The following GSG1L variants were observed in gnomAD, a reference collection of about 807,000 sequenced individuals.
GSG1L encodes the protein germ cell-specific gene 1-like protein.
A neutral mutation model predicts 42.1 loss-of-function variants in GSG1L; 24 were observed. That is an observed-to-expected ratio of 0.57 (90% confidence interval 0.41 to 0.80). The LOEUF (loss-of-function observed/expected upper bound fraction) is 0.80. GSG1L is among the 30% of genes least tolerant of loss of function. The probability of loss-of-function intolerance (pLI) is 0.00; values close to 1 mark genes in which losing one functional copy is unlikely to be tolerated. For synonymous variants in GSG1L, 215 were observed against 203.5 expected (o/e 1.06, Z -0.48); for missense variants, 445 against 472.2 (o/e 0.94, Z 0.53).
At chr16:27,834,314 A>C (rs1190545920) in intron 4 of GSG1L, among the ~76,000 whole-genome samples, 2 of 152,074 alleles carry the variant, frequency 1.3e-5, no homozygotes, top group Admixed American at 1.3e-4. Context: ...ACGTATAATT[A>C]TTTTTATATA....
intron 2 of GSG1L, among the ~76,000 whole-genome samples, chr16:27,912,440 C>T (rs527775434): frequency 1.3e-5 from 2 of 152,204 alleles, no homozygotes; most frequent in East Asian, 3.9e-4. Context: ...TCACTTGAGC[C>T]CAGGAGGTTG....
chr16:28,032,037 A>C (rs776085645), intron 1 of GSG1L, among the ~76,000 whole-genome samples: 3 of 152,246 alleles, frequency 2.0e-5, no homozygotes, highest in Non-Finnish European at 2.9e-5. Flanking sequence ...AGAATTCATT[A>C]CAGCAAGATC....
chr16:27,943,687 G>A (rs2084829179), intron 2 of GSG1L, among the ~76,000 whole-genome samples: 1 of 134,892 alleles, frequency 7.4e-6, no homozygotes, highest in Non-Finnish European at 1.5e-5. Flanking sequence ...CTATTCTTAT[G>A]CCTCAGCCTC....
intron 4 of GSG1L, 105 bp downstream of exon 4, chr16:27,844,845 T>TCCCCCCCCCCC: frequency 9.6e-6 from 2 of 208,156 alleles, no homozygotes; most frequent in African/African-American, 2.7e-5. Context: ...TCCCCATTTC[T>TCCCCCCCCCCC]CCTCCCCCCC....
chr16:27,935,994 C>T (rs2084711804), intron 2 of GSG1L, among the ~76,000 whole-genome samples: 1 of 150,964 alleles, frequency 6.6e-6, no homozygotes, highest in African/African-American at 2.4e-5. Flanking sequence ...ATCTACAGGA[C>T]AACTACACCA....
rs145266459 is a variant in GSG1L, at chr16:27,850,953, C to T, written c.551-5892G>A. ...ACCGGGAGATAGAGAATGTTAAACG[C>T]CGGGAAGGCGTTTTAACAATGGGAG... On this transcript the variant is annotated intron_variant, in intron 3 of 6. Transcript: ENST00000447459. Among the ~76,000 whole-genome samples the T allele has an allele frequency of 2.2e-4, 33 of 151,658 alleles. 1 individual carries two copies. Among genetic ancestry groups the T allele is most frequent in the African/African-American group, 7.5e-4 (31 of 41,328 alleles).
intron 3 of GSG1L, among the ~76,000 whole-genome samples, chr16:27,853,135 G>A (rs1746055314): frequency 2.0e-5 from 3 of 152,290 alleles, no homozygotes; most frequent in African/African-American, 7.2e-5. Context: ...ATCGGCTGGG[G>A]GCAGAGGAAA....
chr16:27,980,520 G>A (rs1002832307), intron 1 of GSG1L, among the ~76,000 whole-genome samples: 3 of 152,168 alleles, frequency 2.0e-5, no homozygotes, highest in African/African-American at 7.2e-5. Context: ...TGCTTTACAT[G>A]CATCAATTGC....
chr16:27,993,225 T>C (rs866321764), intron 1 of GSG1L, among the ~76,000 whole-genome samples: 2 of 152,100 alleles, frequency 1.3e-5, no homozygotes, highest in African/African-American at 4.8e-5. Flanking sequence ...CTTGGCTCAC[T>C]GCAACCTCCA....
intron 2 of GSG1L, among the ~76,000 whole-genome samples, chr16:27,960,732 G>T (rs961582293): frequency 6.6e-6 from 1 of 152,168 alleles, no homozygotes; most frequent in South Asian, 2.1e-4. Context: ...GGCCACACGG[G>T]CTGCCTTGGA....
At chr16:28,030,627 C>T (rs2085946452) in intron 1 of GSG1L, among the ~76,000 whole-genome samples, 1 of 152,222 alleles carries the variant, frequency 6.6e-6, no homozygotes, top group Admixed American at 6.5e-5. Flanking sequence ...TTTGCTTGTG[C>T]TGGTTTGAGC....
At chr16:28,033,887 A>G (rs965121791) in intron 1 of GSG1L, among the ~76,000 whole-genome samples, 1 of 152,198 alleles carries the variant, frequency 6.6e-6, no homozygotes, top group African/African-American at 2.4e-5. Flanking sequence ...CGCACAGTGG[A>G]AAGCGGAAAA....
chr16:27,811,432 A>G (rs2083029806), intron 5 of GSG1L, among the ~76,000 whole-genome samples: 1 of 152,216 alleles, frequency 6.6e-6, no homozygotes, highest in Admixed American at 6.5e-5. Context: ...CCAGTCACGA[A>G]GTCAGAACTG....
chr16:27,972,125 T>C (rs867033805), intron 1 of GSG1L, among the ~76,000 whole-genome samples: 1 of 152,218 alleles, frequency 6.6e-6, no homozygotes, highest in Non-Finnish European at 1.5e-5. Context: ...AGAAATCTCC[T>C]AGGAATATAC....
chr16:27,875,842 T>A (rs564760266), intron 3 of GSG1L, among the ~76,000 whole-genome samples: 3 of 152,340 alleles, frequency 2.0e-5, no homozygotes, highest in African/African-American at 7.2e-5. Context: ...TAAATGAGCC[T>A]GGGCTACTTG....
At chr16:27,849,197 C>CAAAAAAAAAAAA (rs538757457) in intron 3 of GSG1L, among the ~76,000 whole-genome samples, 2 of 113,628 alleles carry the variant, frequency 1.8e-5, no homozygotes, top group African/African-American at 6.5e-5. Flanking sequence ...GCCTCTATCC[C>CAAAAAAAAAAAA]AAAAAGAAAA....
At chr16:28,006,389 A>G (rs2141149933) in intron 1 of GSG1L, among the ~76,000 whole-genome samples, 1 of 150,594 alleles carries the variant, frequency 6.6e-6, no homozygotes, top group South Asian at 2.1e-4. Context: ...GCTCACTGCA[A>G]CCTCTGCCTC....
chr16:27,959,303 C>CAAA lies in GSG1L; in HGVS notation c.397+3850_397+3852dup, dbSNP rs3033628. Among the ~76,000 whole-genome samples, 81 of 131,182 alleles carry CAAA rather than the reference C, an allele frequency of 6.2e-4. 1 individual carries two copies. Among genetic ancestry groups the CAAA allele is most frequent in the East Asian group, 4.8e-3 (21 of 4,416 alleles). The allele number at this position is 131,182 out of a possible 152,430, so 86.1% of individuals were successfully genotyped here. On this transcript the variant is annotated intron_variant, in intron 2 of 6. Transcript: ENST00000447459. ...CGAAACCCCATCTCTACTAATAATA[C>CAAA]AAAAAAAAAAAAAAATTAGCCGGGC...
intron 1 of GSG1L, among the ~76,000 whole-genome samples, chr16:27,973,512 C>T (rs987153415): frequency 4.1e-5 from 6 of 146,642 alleles, no homozygotes; most frequent in African/African-American, 1.5e-4. Flanking sequence ...TCACTGTCAC[C>T]TACATGCGGG....
Sources: allele counts gnomAD v4.1 joint callset (sites outside exome capture counted in the v4.1 genomes callset), GRCh38; gene constraint gnomAD v4.1.1; transcripts MANE v1.5; gene names NCBI Gene and HGNC (gene_info 2026-07-23, HGNC 2026-07-21).